TBC1D1: variants seen among roughly 807,000 people sequenced by gnomAD.
TBC1D1 encodes TBC1 domain family member 1.
A neutral mutation model predicts 125.6 loss-of-function variants in TBC1D1; 89 were observed. The observed-to-expected ratio is 0.71, with a 90% CI of 0.60 to 0.85. The LOEUF (loss-of-function observed/expected upper bound fraction) is 0.85. TBC1D1 is among the 40% of genes least tolerant of loss of function. The pLI is 0.00. For synonymous variants in TBC1D1, 565 were observed against 564.1 expected, an observed-to-expected ratio of 1.00 and a Z score of -0.02; for missense variants, 1,377 against 1,469.2, an observed-to-expected ratio of 0.94 and a Z score of 1.03.
rs558453612 is a variant in TBC1D1, at chr4:38,100,653, G to T, written c.2399-2346G>T. 3.3e-5 allele frequency among the ~76,000 whole-genome samples: 5 copies of T among 152,244 alleles called. No individual in the cohort carries two copies. In the East Asian group the frequency reaches 7.7e-4, roughly 23 times the overall value. On this transcript the variant is annotated intron_variant, in intron 14 of 19. Transcript: ENST00000261439. ...ATATTAATGCTGAGATAAAATTACA[G>T]AAGGTATAGGATGTGGTCATGGTTT...
chr4:38,065,407 T>A (rs1441695702), intron 12 of TBC1D1, among the ~76,000 whole-genome samples: 9 of 152,330 alleles, frequency 5.9e-5, no homozygotes, highest in Admixed American at 5.9e-4. Context: ...CTGATAAGCA[T>A]GGGGACCTCC....
intron 15 of TBC1D1, among the ~76,000 whole-genome samples, chr4:38,109,068 A>G (rs1392726327): frequency 3.3e-5 from 5 of 152,176 alleles, no homozygotes; most frequent in Non-Finnish European, 5.9e-5. Flanking sequence ...GTTCTCTTCC[A>G]TCTTTGAGTT....
intron 15 of TBC1D1, among the ~76,000 whole-genome samples, chr4:38,103,453 G>A (rs2152559424): frequency 6.6e-6 from 1 of 152,248 alleles, no homozygotes; most frequent in African/African-American, 2.4e-5. Context: ...TTGATAGGAG[G>A]TTTTTACAGT....
At chr4:38,046,370 TAAA>T (rs11438975) in intron 10 of TBC1D1, among the ~76,000 whole-genome samples, 1 of 143,038 alleles carries the variant, frequency 7.0e-6, no homozygotes, top group Non-Finnish European at 1.5e-5. Context: ...AGACTCTGTG[TAAA>T]AAAAAAAAAG....
intron 1 of TBC1D1, among the ~76,000 whole-genome samples, chr4:37,898,141 G>C (rs930293184): frequency 1.3e-5 from 2 of 152,188 alleles, no homozygotes; most frequent in Non-Finnish European, 2.9e-5. Flanking sequence ...TTCAGTTCCT[G>C]TTCAGAAAAG....
At chr4:38,118,213 T>A in intron 17 of TBC1D1, 21 bp downstream of exon 19, 2 of 1,613,296 alleles carry the variant, frequency 1.2e-6, no homozygotes, top group Non-Finnish European at 1.7e-6. Flanking sequence ...GTAAATCTGT[T>A]TGCCAGAACC....
intron 2 of TBC1D1, among the ~76,000 whole-genome samples, chr4:37,935,510 A>G (rs774710224): frequency 1.3e-5 from 2 of 152,154 alleles, no homozygotes; most frequent in Non-Finnish European, 2.9e-5. Context: ...TATTCAATAA[A>G]TGTTTCTGCT....
intron 12 of TBC1D1, among the ~76,000 whole-genome samples, chr4:38,085,448 C>A (rs1262894044): frequency 1.3e-5 from 2 of 152,342 alleles, no homozygotes; most frequent in East Asian, 3.9e-4. Flanking sequence ...ATATGCCTGT[C>A]AGTGCCTGTG....
chr4:37,899,435 A>AG (rs1715357775), intron 1 of TBC1D1, among the ~76,000 whole-genome samples: 1 of 152,170 alleles, frequency 6.6e-6, no homozygotes, highest in Non-Finnish European at 1.5e-5. Context: ...GGGCACCATT[A>AG]GGGTGTATGT....
intron 17 of TBC1D1, 120 bp downstream of exon 19, chr4:38,118,312 T>A: frequency 8.2e-7 from 1 of 1,217,422 alleles, no homozygotes; most frequent in Non-Finnish European, 1.1e-6. Flanking sequence ...AACAGGGTAT[T>A]GTTTGATAGT....
At chr4:38,083,468 C>A (rs1756928172) in intron 12 of TBC1D1, among the ~76,000 whole-genome samples, 1 of 152,218 alleles carries the variant, frequency 6.6e-6, no homozygotes. Flanking sequence ...TTTACCTGTT[C>A]TTCCAGAACC....
intron 2 of TBC1D1, among the ~76,000 whole-genome samples, chr4:37,955,124 T>C (rs1470723094): frequency 6.6e-6 from 1 of 152,176 alleles, no homozygotes; most frequent in Non-Finnish European, 1.5e-5. Flanking sequence ...CTTTTTATTT[T>C]TATTTGAAAA....
At chr4:37,972,210 C>T (rs770402044) in intron 2 of TBC1D1, among the ~76,000 whole-genome samples, 22 of 136,864 alleles carry the variant, frequency 1.6e-4, no homozygotes, top group East Asian at 5.0e-4. Flanking sequence ...TGGCTGGGTG[C>T]GGTGGTTCAT....
chr4:38,125,561 G>A (rs1326950335), intron 18 of TBC1D1, among the ~76,000 whole-genome samples: 1 of 152,114 alleles, frequency 6.6e-6, no homozygotes, highest in Non-Finnish European at 1.5e-5. Flanking sequence ...ACAAAGTTAT[G>A]ATAGGGAACA....
intron 15 of TBC1D1, among the ~76,000 whole-genome samples, chr4:38,108,338 A>G (rs188077234): frequency 1.3e-5 from 2 of 152,316 alleles, no homozygotes; most frequent in Non-Finnish European, 2.9e-5. Flanking sequence ...CTCTCCCATG[A>G]TAGGAGGGCT....
At chr4:38,093,696 TTAG>T (rs369403907) in intron 13 of TBC1D1, among the ~76,000 whole-genome samples, 3,916 of 151,712 alleles carry the variant, frequency 0.026, 59 homozygotes, top group Non-Finnish European at 0.04. Context: ...ATTTTTATTA[TTAG>T]TAGTAGTAGT....
intron 12 of TBC1D1, among the ~76,000 whole-genome samples, chr4:38,075,750 G>A (rs1755478085): frequency 6.6e-6 from 1 of 151,878 alleles, no homozygotes; most frequent in African/African-American, 2.4e-5. Context: ...TATAACTGGA[G>A]CCTATAGTAG....
intron 2 of TBC1D1, among the ~76,000 whole-genome samples, chr4:37,972,091 G>A (rs554991785): frequency 6.6e-6 from 1 of 152,286 alleles, no homozygotes; most frequent in South Asian, 2.1e-4. Flanking sequence ...TAGACAATCA[G>A]GGCTGGAAAC....
At position 37,918,020 on chromosome 4, in the gene TBC1D1, G is replaced by A. The variant is rs565173907; in HGVS notation, c.417+15508G>A. 8.1e-4 allele frequency among the ~76,000 whole-genome samples: 123 copies of A among 152,270 alleles called. 1 individual carries two copies. The highest frequency in any genetic ancestry group is 2.8e-3 in the African/African-American group (118 of 41,558). ...AGTTGCCCTGTGCTACTTCCATGATGTTAAATTTCAAAGCAGAGATTACAT... is the reference window on the plus strand; with the variant it reads ...AGTTGCCCTGTGCTACTTCCATGATATTAAATTTCAAAGCAGAGATTACAT... On this transcript the variant is annotated intron_variant, in intron 2 of 19. Transcript: ENST00000261439.
Sources: allele counts gnomAD v4.1 joint callset (sites outside exome capture counted in the v4.1 genomes callset), GRCh38; gene constraint gnomAD v4.1.1; transcripts MANE v1.5; gene names NCBI Gene and HGNC (gene_info 2026-07-23, HGNC 2026-07-21).